PARD3: variants seen among roughly 807,000 people sequenced by gnomAD.
The protein encoded by PARD3 is partitioning defective 3 homolog.
In PARD3, 75 loss-of-function variants were observed where a neutral mutation model predicts 155.4. That is an observed-to-expected ratio of 0.48 (90% CI 0.40 to 0.58). PARD3 has a LOEUF of 0.58. Among genes scored for constraint, PARD3 ranks in the 20% least tolerant of loss-of-function variants. The pLI is 0.00. For missense variants in PARD3, 1,642 were observed against 1,721.7 expected (o/e 0.95, Z 0.82); for synonymous variants, 576 against 610.5 (o/e 0.94, Z 0.83).
intron 1 of PARD3, among the ~76,000 whole-genome samples, chr10:34,767,767 A>C (rs59256412): frequency 6.6e-6 from 1 of 151,660 alleles, no homozygotes; most frequent in Non-Finnish European, 1.5e-5. Flanking sequence ...CTGGGCTAAT[A>C]TTTTTGTATT....
chr10:34,293,505 T>C (rs900234647), intron 20 of PARD3, among the ~76,000 whole-genome samples: 1 of 152,180 alleles, frequency 6.6e-6, no homozygotes, highest in Non-Finnish European at 1.5e-5. Context: ...ACTTTAAATA[T>C]AGTAAAAGCA....
chr10:34,712,911 C>A (rs566047728), intron 1 of PARD3, among the ~76,000 whole-genome samples: 2 of 152,184 alleles, frequency 1.3e-5, no homozygotes, highest in South Asian at 4.2e-4. Flanking sequence ...ATCCCTGAAT[C>A]TAAAATAAAA....
intron 22 of PARD3, among the ~76,000 whole-genome samples, chr10:34,168,847 C>T (rs1949657503): frequency 6.6e-6 from 1 of 152,212 alleles, no homozygotes; most frequent in East Asian, 1.9e-4. Flanking sequence ...TTATGCCATA[C>T]AAAATCCTCT....
chr10:34,269,959 T>G (rs1235388460), intron 21 of PARD3, 60 bp from the exon 22 acceptor site: 1 of 1,483,894 alleles, frequency 6.7e-7, no homozygotes, highest in African/African-American at 1.4e-5. Context: ...GAACTGCATA[T>G]AGAAACATTC....
intron 7 of PARD3, among the ~76,000 whole-genome samples, chr10:34,386,902 C>T (rs1304790858): frequency 6.6e-6 from 1 of 151,708 alleles, no homozygotes; most frequent in African/African-American, 2.4e-5. Context: ...AATTAAATCA[C>T]AGTTACTGGT....
Position 34,269,684 on chromosome 10 carries a change from C to T in PARD3, c.3392G>A (p.Arg1131Gln), listed in dbSNP as rs755202994. 1.7e-5 allele frequency: 27 copies of T among 1,613,880 alleles called. No homozygotes were observed. The highest frequency in any genetic ancestry group is 6.6e-5 in the South Asian group (6 of 91,080). The change falls in exon 22 of 25, where the codon CGG (arginine) becomes CAG (glutamine). Residue 1131 changes from arginine (R) to glutamine (Q), a missense_variant. Arg to Gln is a conservative substitution (Grantham distance 43). This residue lies in a region of PARD3 where 1,529 missense variants were observed against 1,587.3 expected (regional missense o/e 0.96). Coordinates refer to ENST00000374788, the MANE Select transcript of PARD3 (RefSeq NM_001184785.2). ...GTCTACAGGTGAGGGTTTGGAATTCCGCGGCTTCTTGACTTGGGCATACAA... is the reference window on the plus strand; with the variant it reads ...GTCTACAGGTGAGGGTTTGGAATTCTGCGGCTTCTTGACTTGGGCATACAA... Reference protein sequence around the residue: ...DALYAQVKKPRNSKPSPVDSN... With the variant: ...DALYAQVKKPQNSKPSPVDSN...
At chr10:34,702,050 A>G (rs1937460979) in intron 1 of PARD3, among the ~76,000 whole-genome samples, 1 of 151,936 alleles carries the variant, frequency 6.6e-6, no homozygotes, top group South Asian at 2.1e-4. Flanking sequence ...CTGTAATCCC[A>G]CCTACTCAGG....
At chr10:34,642,406 G>A (rs2092705901) in intron 2 of PARD3, among the ~76,000 whole-genome samples, 1 of 148,810 alleles carries the variant, frequency 6.7e-6, no homozygotes, top group African/African-American at 2.5e-5. Context: ...ATCTGGCCCT[G>A]CCTCTCACGG....
At chr10:34,753,791 A>C (rs1408763545) in intron 1 of PARD3, among the ~76,000 whole-genome samples, 1 of 152,128 alleles carries the variant, frequency 6.6e-6, no homozygotes, top group Non-Finnish European at 1.5e-5. Context: ...CACAGACAGG[A>C]AGAGTATGCC....
chr10:34,423,812 AG>A (rs1163851163), intron 5 of PARD3, among the ~76,000 whole-genome samples: 1 of 152,182 alleles, frequency 6.6e-6, no homozygotes, highest in Non-Finnish European at 1.5e-5. Context: ...ACAACTACCT[AG>A]GTTTTCCAGA....
chr10:34,422,669 AGG>A (rs1216362245), intron 5 of PARD3, among the ~76,000 whole-genome samples: 5 of 152,208 alleles, frequency 3.3e-5, no homozygotes, highest in Non-Finnish European at 5.9e-5. Context: ...AGTAGCCAAC[AGG>A]TATATGAAAA....
Position 34,236,096 on chromosome 10 carries a change from A to C in PARD3, c.3419+33561T>G, listed in dbSNP as rs1479707822. The stretch of plus-strand genomic sequence containing the variant: ...TTATACCTAATCCAACCATCTATTG[A>C]AGTACAAGGCTAGTTTTGGGGTATG... On this transcript the variant is annotated intron_variant, in intron 22 of 24. Transcript: ENST00000374788. Among the ~76,000 whole-genome samples the C allele has an allele frequency of 1.3e-5, 2 of 152,166 alleles. 1 individual carries two copies. The highest frequency in any genetic ancestry group is 4.1e-4 in the South Asian group (2 of 4,824).
intron 5 of PARD3, among the ~76,000 whole-genome samples, chr10:34,419,808 G>A (rs1846019578): frequency 6.6e-6 from 1 of 152,018 alleles, no homozygotes; most frequent in Non-Finnish European, 1.5e-5. Flanking sequence ...TTATACATAG[G>A]ACATATCCAT....
chr10:34,677,722 CG>C (rs1295049585), intron 2 of PARD3, among the ~76,000 whole-genome samples: 3 of 152,146 alleles, frequency 2.0e-5, no homozygotes, highest in Non-Finnish European at 4.4e-5. Context: ...CACTCTTCTC[CG>C]GGCAGGGGGA....
intron 20 of PARD3, among the ~76,000 whole-genome samples, chr10:34,291,323 T>C (rs1956666657): frequency 1.3e-5 from 2 of 152,214 alleles, no homozygotes; most frequent in African/African-American, 2.4e-5. Flanking sequence ...GTTCAGCTTG[T>C]AGCTAGTTTA....
intron 7 of PARD3, among the ~76,000 whole-genome samples, chr10:34,389,220 G>A (rs1198289944): frequency 5.6e-5 from 5 of 88,562 alleles, no homozygotes; most frequent in South Asian, 3.8e-4. Context: ...TCAAGACTTC[G>A]TTTTTGAACA....
intron 4 of PARD3, among the ~76,000 whole-genome samples, chr10:34,456,588 G>A (rs950342498): frequency 3.9e-5 from 6 of 152,238 alleles, no homozygotes; most frequent in African/African-American, 1.2e-4. Context: ...GTGAGCCACC[G>A]TGCCTGGCCA....
chr10:34,717,463 A>G (rs7915149), intron 1 of PARD3, among the ~76,000 whole-genome samples: 151,738 of 152,338 alleles, frequency 1, 75,575 homozygotes, highest in Middle Eastern at 1. Flanking sequence ...AACATTCTGT[A>G]TTAAACACGC....
At chr10:34,155,910 T>C (rs187190472) in intron 22 of PARD3, among the ~76,000 whole-genome samples, 119 of 152,222 alleles carry the variant, frequency 7.8e-4, no homozygotes, top group Admixed American at 2.4e-3. Flanking sequence ...TGTGGCTTGG[T>C]TGACTTACAA....
Sources: gnomAD v4.1 joint callset for allele counts (sites outside exome capture counted in the v4.1 genomes callset) on GRCh38, gnomAD v4.1.1 for gene constraint, gnomAD v4.1.1 regional missense constraint, MANE v1.5 for transcripts, NCBI Gene and HGNC (gene_info 2026-07-23, HGNC 2026-07-21) for gene names.